Variants in COA8 observed in about 807,000 individuals in gnomAD.
COA8 encodes the protein UPF0671 protein C14orf153.
COA8 carries 20 observed loss-of-function variants against 22.0 expected under a neutral mutation model. The observed-to-expected ratio is 0.91, with a 90% CI of 0.64 to 1.32. COA8 has a LOEUF of 1.32. COA8 is among the 40% of genes most tolerant of loss of function. The pLI, the probability that COA8 is intolerant of heterozygous loss-of-function variation, is 0.00. For synonymous variants in COA8, 105 were observed against 79.9 expected, an observed-to-expected ratio of 1.31 and a Z score of -1.68; for missense variants, 266 against 230.0, an observed-to-expected ratio of 1.16 and a Z score of -1.01.
chr14:103,582,345 G>T (rs1463138279), intron 3 of COA8, among the ~76,000 whole-genome samples: 2 of 152,082 alleles, frequency 1.3e-5, no homozygotes, highest in Non-Finnish European at 2.9e-5. Flanking sequence ...CCCTGTAACG[G>T]GCTGTGGGTC....
rs1262041758 is a variant in COA8, at chr14:103,581,841, G to C, written c.386-5433G>C. Among the ~76,000 whole-genome samples the C allele has an allele frequency of 6.6e-6, 1 of 152,230 alleles. No individual in the cohort carries two copies. Among genetic ancestry groups the C allele is most frequent in the African/African-American group, 2.4e-5 (1 of 41,456 alleles). On this transcript the variant is annotated intron_variant, in intron 3 of 4. Transcript: ENST00000409074. This position sits in a 1 kb window ranked among gnomAD's most constrained non-coding sequence, Gnocchi z 4.1. ...TGTCCTGTCTGCCGTGTGGCTAGGG[G>C]ACAGCCGTGCTTGTGCTGTGCCGTC...
chr14:103,585,043 C>G (rs776697320), intron 3 of COA8, among the ~76,000 whole-genome samples: 111 of 152,180 alleles, frequency 7.3e-4, no homozygotes, highest in African/African-American at 2.6e-3. Flanking sequence ...GAGGCTGAGG[C>G]AGGAGAATCG....
Position 103,590,314 on chromosome 14 carries a change from A to C in COA8, c.*28A>C, listed in dbSNP as rs1471103070. ...GTCCACTCTGACCCAGCCAGAGTCC[A>C]GGTTTCCACAGGAAGCAGATGGAGC... On this transcript the variant is annotated 3_prime_UTR_variant, in exon 5 of 5. Transcript: ENST00000409074. 1 of 1,580,480 alleles carries C rather than the reference A, an allele frequency of 6.3e-7. No homozygotes were observed. Among genetic ancestry groups the C allele is most frequent in the Non-Finnish European group, 8.7e-7 (1 of 1,153,696 alleles).
chr14:103,567,238 T>C (rs1179295066), intron 1 of COA8, among the ~76,000 whole-genome samples: 1 of 151,850 alleles, frequency 6.6e-6, no homozygotes, highest in Non-Finnish European at 1.5e-5. Flanking sequence ...CCGGGCGTGG[T>C]GGCGCATGCC....
chr14:103,564,774 G>T (rs980011259), intron 1 of COA8, among the ~76,000 whole-genome samples: 1 of 151,780 alleles, frequency 6.6e-6, no homozygotes, highest in Non-Finnish European at 1.5e-5. Flanking sequence ...TAGAGACAGG[G>T]TTTCACCTGT....
At position 103,585,105 on chromosome 14, in the gene COA8, T is replaced by G. The variant is rs182569664; in HGVS notation, c.386-2169T>G. On this transcript the variant is annotated intron_variant, in intron 3 of 4. Coordinates refer to ENST00000409074, the MANE Select transcript of COA8 (RefSeq NM_001370595.2). ...GTGAGCCGAGATTGCGCCACTGCACTCCAGCCTGGGTGACAGAGCAAGACT... is the reference window on the plus strand; with the variant it reads ...GTGAGCCGAGATTGCGCCACTGCACGCCAGCCTGGGTGACAGAGCAAGACT... Among the ~76,000 whole-genome samples, 128 of 152,014 alleles carry G rather than the reference T, an allele frequency of 8.4e-4. 3 individuals carry two copies. In the East Asian group the frequency reaches 0.02, roughly 23 times the overall value.
intron 2 of COA8, 126 bp downstream of exon 2, chr14:103,571,946 T>G (rs1289853919): frequency 2.1e-5 from 16 of 749,034 alleles, no homozygotes; most frequent in Non-Finnish European, 2.7e-5. Context: ...GCTAACACGG[T>G]GAAACCCTGT....
At position 103,574,103 on chromosome 14, in the gene COA8, T is replaced by TTTTTTGAA; in HGVS notation, c.322-4_322-3insTTTTTGAA. ...CTTTTTTTTTTTTTTTTTTTTTTTT[T>TTTTTTGAA]AAGGAAAAAGAAGAATTTATTCACT... On this transcript the variant is annotated splice_region_variant and splice_polypyrimidine_tract_variant and intron_variant, in intron 2 of 4. Coordinates refer to ENST00000409074, the MANE Select transcript of COA8 (RefSeq NM_001370595.2). 1 of 1,484,216 alleles carries TTTTTTGAA rather than the reference T, an allele frequency of 6.7e-7. No homozygotes were observed. The highest frequency in any genetic ancestry group is 9.0e-7 in the Non-Finnish European group (1 of 1,115,534). The allele number at this position is 1,484,216 out of a possible 1,614,324, so 91.9% of individuals were successfully genotyped here.
chr14:103,569,986 A>G (rs1226886808), intron 1 of COA8, among the ~76,000 whole-genome samples: 4 of 152,012 alleles, frequency 2.6e-5, no homozygotes, highest in Non-Finnish European at 5.9e-5. Flanking sequence ...CCTCTCATAT[A>G]GCTGGGACTA....
chr14:103,574,080 T>A, intron 2 of COA8, 27 bp from the exon 3 acceptor site: 2 of 327,568 alleles, frequency 6.1e-6, no homozygotes, highest in South Asian at 6.0e-5. Context: ...CTGAGAGCCT[T>A]TTTTTTTTTT....
chr14:103,575,295 G>A (rs2076222730), intron 3 of COA8, among the ~76,000 whole-genome samples: 1 of 152,256 alleles, frequency 6.6e-6, no homozygotes, highest in South Asian at 2.1e-4. Context: ...GATGGGAGAA[G>A]TTGTTTTGAT....
intron 1 of COA8, chr14:103,563,487 C>A: frequency 2.5e-6 from 1 of 392,412 alleles, no homozygotes; most frequent in South Asian, 2.2e-5. Flanking sequence ...TGTGTTTTGG[C>A]TTTGTTACAA....
At chr14:103,563,639 G>C (rs1201237428) in intron 1 of COA8, among the ~76,000 whole-genome samples, 2 of 152,222 alleles carry the variant, frequency 1.3e-5, no homozygotes, top group Non-Finnish European at 2.9e-5. Context: ...TCTGTAGCAA[G>C]AATGTCTGTG....
chr14:103,568,510 CAT>C (rs773502187), intron 1 of COA8, among the ~76,000 whole-genome samples: 79 of 151,066 alleles, frequency 5.2e-4, no homozygotes, highest in African/African-American at 1.4e-3. Flanking sequence ...CACATGTATA[CAT>C]ATATATACAC....
Position 103,574,735 on chromosome 14 carries a change from C to G in COA8, c.385+565C>G, listed in dbSNP as rs1028868712. ...GCCAGGAGCTTGAGTCACCCCCATG[C>G]CAGGACCTCTGTTGCTATTTGCTGG... On this transcript the variant is annotated intron_variant, in intron 3 of 4. Transcript: ENST00000409074. 1.1e-5 allele frequency: 3 copies of G among 274,874 alleles called. No individual in the cohort carries two copies. In the Admixed American group the frequency reaches 1.5e-4, roughly 14 times the overall value. The allele number at this position is 274,874 out of a possible 1,614,324, so 17.0% of individuals were successfully genotyped here.
At chr14:103,582,377 T>C (rs1486656225) in intron 3 of COA8, among the ~76,000 whole-genome samples, 1 of 150,844 alleles carries the variant, frequency 6.6e-6, no homozygotes, top group East Asian at 2.0e-4. Flanking sequence ...CCTTCCTACC[T>C]CTCTTGCGTG....
In COA8 at chr14:103,574,476, T is replaced by G. The variant is rs1030494294; in HGVS notation, c.385+306T>G. 1.6e-5 allele frequency: 9 copies of G among 552,304 alleles called. No individual in the cohort carries two copies. In the African/African-American group the frequency reaches 1.7e-4, roughly 10 times the overall value. 34.2% of individuals were successfully genotyped at this position (552,304 alleles called of 1,614,324 possible). On this transcript the variant is annotated intron_variant, in intron 3 of 4. Transcript: ENST00000409074. ...CAGCTTCTCCCTCCAAAGCAGCTTT[T>G]CTTCTGATTCCTGATCTCAGTTCAG...
chr14:103,589,015 T>G (rs142721320), intron 4 of COA8, among the ~76,000 whole-genome samples: 1 of 152,286 alleles, frequency 6.6e-6, no homozygotes, highest in East Asian at 1.9e-4. Flanking sequence ...TTTGGACACG[T>G]AGCTTGTTTG....
At chr14:103,575,788 C>T (rs1239764885) in intron 3 of COA8, among the ~76,000 whole-genome samples, 1 of 152,110 alleles carries the variant, frequency 6.6e-6, no homozygotes, top group Non-Finnish European at 1.5e-5. Context: ...CAGCCTTGAC[C>T]TCCTGGGCTC....
Sources: gnomAD v4.1 joint callset for allele counts (sites outside exome capture counted in the v4.1 genomes callset) on GRCh38, gnomAD v4.1.1 for gene constraint, Gnocchi (gnomAD v3.1) non-coding constraint, MANE v1.5 for transcripts, NCBI Gene and HGNC (gene_info 2026-07-23, HGNC 2026-07-21) for gene names.